RASGRF2: variants seen among roughly 807,000 people sequenced by gnomAD.
RASGRF2 encodes the protein ras-specific guanine nucleotide-releasing factor 2.
In RASGRF2, 76 loss-of-function variants were observed where a neutral mutation model predicts 151.0. The ratio of observed to expected loss-of-function variants is 0.50; its 90% CI spans 0.42 to 0.61. RASGRF2 has a LOEUF of 0.61. RASGRF2 is among the 20% of genes least tolerant of loss of function. The pLI, the probability that RASGRF2 is intolerant of heterozygous loss-of-function variation, is 0.00. For missense variants in RASGRF2, 1,148 were observed against 1,564.6 expected (o/e 0.73, Z 4.49); for synonymous variants, 504 against 566.5 (o/e 0.89, Z 1.57).
In RASGRF2 at chr5:81,227,684, C is replaced by G. The variant is rs1257256916; in HGVS notation, c.*1914C>G. ...CTTGCAGAAGAAAAGTAAAGGTTAGCTTTCATGGCTCAAAAGCATAGTCCT... is the reference window on the plus strand; with the variant it reads ...CTTGCAGAAGAAAAGTAAAGGTTAGGTTTCATGGCTCAAAAGCATAGTCCT... On this transcript the variant is annotated 3_prime_UTR_variant, in exon 27 of 27. Coordinates refer to ENST00000265080, the MANE Select transcript of RASGRF2 (RefSeq NM_006909.3). The G allele has an allele frequency of 1.3e-5, 2 of 152,172 alleles. No homozygotes were observed. Among genetic ancestry groups the G allele is most frequent in the African/African-American group, 4.8e-5 (2 of 41,424 alleles). 9.4% of individuals were successfully genotyped at this position (152,172 alleles called of 1,614,324 possible).
chr5:81,013,581 C>T (rs1749537575), intron 1 of RASGRF2, among the ~76,000 whole-genome samples: 1 of 150,286 alleles, frequency 6.7e-6, no homozygotes, highest in Non-Finnish European at 1.5e-5. Context: ...TATATGTTGT[C>T]CCAAATATAT....
At chr5:81,108,787 G>T (rs1411859588) in intron 12 of RASGRF2, among the ~76,000 whole-genome samples, 1 of 151,368 alleles carries the variant, frequency 6.6e-6, no homozygotes, top group Non-Finnish European at 1.5e-5. Context: ...TACAGTTTTG[G>T]TGTCTGAATA....
At chr5:80,962,140 A>T (rs1747582100) in intron 1 of RASGRF2, among the ~76,000 whole-genome samples, 1 of 152,212 alleles carries the variant, frequency 6.6e-6, no homozygotes, top group African/African-American at 2.4e-5. Context: ...AATTAAGAGG[A>T]GTTAAAACTA....
chr5:81,162,115 G>T (rs1287330954), intron 17 of RASGRF2, among the ~76,000 whole-genome samples: 1 of 145,598 alleles, frequency 6.9e-6, no homozygotes, highest in African/African-American at 2.5e-5. Context: ...ACTGAGGAAG[G>T]TACTCAGAGT....
intron 18 of RASGRF2, among the ~76,000 whole-genome samples, chr5:81,192,831 C>T (rs1291314572): frequency 5.3e-5 from 8 of 152,056 alleles, no homozygotes; most frequent in Non-Finnish European, 1.5e-5. Context: ...AGTTTACAAA[C>T]TGGCCCGAGT....
At chr5:80,964,995 A>G (rs1359189705) in intron 1 of RASGRF2, among the ~76,000 whole-genome samples, 1 of 152,118 alleles carries the variant, frequency 6.6e-6, no homozygotes, top group African/African-American at 2.4e-5. Context: ...TGTTCTCTTC[A>G]GCCTGATTTC....
intron 2 of RASGRF2, among the ~76,000 whole-genome samples, chr5:81,044,026 G>T: frequency 6.6e-6 from 1 of 152,206 alleles, no homozygotes; most frequent in East Asian, 1.9e-4. Context: ...TACACCTTGA[G>T]AATGAGGAGA....
At chr5:81,074,830 C>A (rs1200285624) in intron 5 of RASGRF2, among the ~76,000 whole-genome samples, 1 of 152,132 alleles carries the variant, frequency 6.6e-6, no homozygotes, top group East Asian at 1.9e-4. Flanking sequence ...GCAGAGGGAG[C>A]TGTGCGTGCA....
At chr5:81,208,219 G>T in intron 21 of RASGRF2, 135 bp from the exon 22 acceptor site, 2 of 629,240 alleles carry the variant, frequency 3.2e-6, no homozygotes, top group Non-Finnish European at 5.4e-6. Flanking sequence ...TGTGAGGCTG[G>T]CAGCAGCAGG....
intron 13 of RASGRF2, among the ~76,000 whole-genome samples, chr5:81,111,963 T>G (rs1753007522): frequency 6.6e-6 from 1 of 152,182 alleles, no homozygotes; most frequent in South Asian, 2.1e-4. Flanking sequence ...ATATTTTGCT[T>G]TAAGGGCATA....
At chr5:81,044,451 CTGAG>C (rs1421333977) in intron 2 of RASGRF2, among the ~76,000 whole-genome samples, 10 of 152,172 alleles carry the variant, frequency 6.6e-5, no homozygotes, top group Admixed American at 5.2e-4. Flanking sequence ...GGTATTTATT[CTGAG>C]TGAGTTCAGG....
chr5:81,121,327 C>G (rs1346042037), intron 15 of RASGRF2, among the ~76,000 whole-genome samples: 1 of 152,190 alleles, frequency 6.6e-6, no homozygotes, highest in African/African-American at 2.4e-5. Flanking sequence ...AAGAATACAA[C>G]CCCACACCAC....
chr5:80,977,121 C>T (rs965609651), intron 1 of RASGRF2, among the ~76,000 whole-genome samples: 8 of 152,216 alleles, frequency 5.3e-5, no homozygotes, highest in African/African-American at 1.9e-4. Context: ...CTCCCATGAA[C>T]ATGAGTATAG....
chr5:81,030,875 AC>A (rs1253283914), intron 1 of RASGRF2, among the ~76,000 whole-genome samples: 3 of 152,202 alleles, frequency 2.0e-5, no homozygotes, highest in African/African-American at 7.2e-5. Flanking sequence ...AAGAGTCAAG[AC>A]CCATCAGTGT....
chr5:81,069,322 C>A (rs776517501), intron 3 of RASGRF2, among the ~76,000 whole-genome samples: 1 of 152,196 alleles, frequency 6.6e-6, no homozygotes, highest in Non-Finnish European at 1.5e-5. Context: ...CTTCCCAATT[C>A]GACCCTGATA....
intron 17 of RASGRF2, among the ~76,000 whole-genome samples, chr5:81,139,602 C>A (rs541942209): frequency 1.3e-5 from 2 of 151,336 alleles, no homozygotes; most frequent in Non-Finnish European, 2.9e-5. Context: ...TTTATTGCAC[C>A]GACTAGACAA....
chr5:81,131,526 T>C (rs1753618458), intron 17 of RASGRF2, among the ~76,000 whole-genome samples: 1 of 152,120 alleles, frequency 6.6e-6, no homozygotes, highest in Non-Finnish European at 1.5e-5. Context: ...AGCTAATTTT[T>C]GTATTTTTAG....
intron 17 of RASGRF2, among the ~76,000 whole-genome samples, chr5:81,141,081 GTCC>G (rs1158169707): frequency 6.6e-6 from 1 of 151,732 alleles, no homozygotes; most frequent in Admixed American, 6.6e-5. Flanking sequence ...TAAAAATACT[GTCC>G]AGGCCAAACA....
At position 81,008,039 on chromosome 5, in the gene RASGRF2, C is replaced by T. The variant is rs2897345; in HGVS notation, c.289-34838C>T. ...AACACTTTCTGATAGGCCAAAATTG[C>T]ACTGTCTCGTCTGATTTACAGAACC... On this transcript the variant is annotated intron_variant, in intron 1 of 26. Coordinates refer to ENST00000265080, the MANE Select transcript of RASGRF2 (RefSeq NM_006909.3). Among the ~76,000 whole-genome samples, 868 of 151,864 alleles carry T rather than the reference C, an allele frequency of 5.7e-3. 5 individuals are homozygous for T. Among genetic ancestry groups the T allele is most frequent in the African/African-American group, 0.021 (849 of 41,386 alleles).
Sources: gnomAD v4.1 joint callset for allele counts (sites outside exome capture counted in the v4.1 genomes callset) on GRCh38, gnomAD v4.1.1 for gene constraint, MANE v1.5 for transcripts, NCBI Gene and HGNC (gene_info 2026-07-23, HGNC 2026-07-21) for gene names.